The following PAK1 variants were observed in gnomAD, a reference collection of about 807,000 sequenced individuals.
PAK1 encodes the protein p21 (RAC1) activated kinase 1.
In PAK1, 29 loss-of-function variants were observed where a neutral mutation model predicts 67.4. The ratio of observed to expected loss-of-function variants is 0.43; its 90% CI spans 0.32 to 0.59. The LOEUF is 0.59. PAK1 is among the 20% of genes least tolerant of loss of function. The pLI, the probability that PAK1 is intolerant of heterozygous loss-of-function variation, is 0.07. For synonymous variants in PAK1, 223 were observed against 237.4 expected (o/e 0.94, Z 0.56); for missense variants, 337 against 670.7 (o/e 0.50, Z 5.50).
At chr11:77,370,379 C>T (rs1244450032) in intron 5 of PAK1, among the ~76,000 whole-genome samples, 1 of 152,182 alleles carries the variant, frequency 6.6e-6, no homozygotes, top group African/African-American at 2.4e-5. Context: ...AGTTTACTTT[C>T]TTCAGAAAAT....
chr11:77,378,752 T>TAATACAAATACAA (rs1949426500), intron 4 of PAK1, among the ~76,000 whole-genome samples: 1 of 152,132 alleles, frequency 6.6e-6, no homozygotes, highest in Non-Finnish European at 1.5e-5. Context: ...CACACCCGGC[T>TAATACAAATACAA]AATTTTTGTA....
intron 4 of PAK1, among the ~76,000 whole-genome samples, chr11:77,377,105 G>C (rs1949188325): frequency 1.3e-5 from 2 of 152,002 alleles, no homozygotes; most frequent in Non-Finnish European, 2.9e-5. Context: ...ATGGTGAACT[G>C]TCTCTATTAA....
the PAK1 span, among the ~76,000 whole-genome samples, chr11:77,483,645 T>C: frequency 6.6e-6 from 1 of 152,204 alleles, no homozygotes; most frequent in South Asian, 2.1e-4. Context: ...CTGCATAGAT[T>C]TATTAAAAAT....
At chr11:77,407,596 G>A (rs571054522) in intron 1 of PAK1, among the ~76,000 whole-genome samples, 32 of 152,178 alleles carry the variant, frequency 2.1e-4, no homozygotes, top group Admixed American at 9.2e-4. Flanking sequence ...GCATTTTCAC[G>A]CATTCATTAT....
chr11:77,493,097 G>T, the PAK1 span, among the ~76,000 whole-genome samples: 1 of 152,008 alleles, frequency 6.6e-6, no homozygotes, highest in Non-Finnish European at 1.5e-5. Flanking sequence ...TGAATAGCTG[G>T]GACTACAGGT....
At chr11:77,434,775 C>T (rs2466806) in intron 1 of PAK1, among the ~76,000 whole-genome samples, 2 of 152,182 alleles carry the variant, frequency 1.3e-5, no homozygotes, top group East Asian at 1.9e-4. Context: ...TGCACCACCA[C>T]GCCTGGCTAA....
chr11:77,482,512 C>T, the PAK1 span, among the ~76,000 whole-genome samples: 2 of 152,110 alleles, frequency 1.3e-5, no homozygotes, highest in Admixed American at 1.3e-4. Context: ...TACTTTAACA[C>T]TCACTGATCA....
chr11:77,344,938 T>C (rs1230695221), intron 9 of PAK1, among the ~76,000 whole-genome samples: 1 of 152,210 alleles, frequency 6.6e-6, no homozygotes. Flanking sequence ...GAACACTCCA[T>C]GTTCTCCCTG....
At chr11:77,428,974 G>T (rs2138287451) in intron 1 of PAK1, among the ~76,000 whole-genome samples, 1 of 145,702 alleles carries the variant, frequency 6.9e-6, no homozygotes, top group Admixed American at 7.1e-5. Flanking sequence ...ATGTCTATGA[G>T]AAGGCCTGGG....
At chr11:77,412,954 G>A (rs146077696) in intron 1 of PAK1, among the ~76,000 whole-genome samples, 265 of 152,210 alleles carry the variant, frequency 1.7e-3, no homozygotes, top group Non-Finnish European at 3.0e-3. Flanking sequence ...TTACCAACAC[G>A]GCCCAGACTA....
At chr11:77,335,943 T>G in intron 13 of PAK1, 143 bp downstream of exon 13, 1 of 485,058 alleles carries the variant, frequency 2.1e-6, no homozygotes, top group Non-Finnish European at 3.7e-6. Flanking sequence ...CTTTGGCCAT[T>G]TATACTTTAA....
the PAK1 span, among the ~76,000 whole-genome samples, chr11:77,528,970 A>C: frequency 6.6e-6 from 1 of 152,228 alleles, no homozygotes; most frequent in Non-Finnish European, 1.5e-5. Context: ...AAGGTGGTAC[A>C]GTAGGTTCAA....
At chr11:77,518,474 C>T in the PAK1 span, among the ~76,000 whole-genome samples, 1 of 152,214 alleles carries the variant, frequency 6.6e-6, no homozygotes, top group East Asian at 1.9e-4. Flanking sequence ...ACTTACAGGG[C>T]TAAAAATTAT....
the PAK1 span, among the ~76,000 whole-genome samples, chr11:77,503,985 AT>A: frequency 3.3e-5 from 5 of 152,176 alleles, no homozygotes; most frequent in East Asian, 9.6e-4. Context: ...TCTGCCTCCC[AT>A]GTTCAAGAAA....
At chr11:77,436,278 C>T (rs961164475) in intron 1 of PAK1, among the ~76,000 whole-genome samples, 3 of 152,180 alleles carry the variant, frequency 2.0e-5, no homozygotes, top group African/African-American at 7.2e-5. Context: ...GAGAAAAGAA[C>T]AGCTGTTTAA....
Position 77,340,864 on chromosome 11 carries a change from T to C in PAK1, c.999-101A>G. 4.0e-6 allele frequency: 3 copies of C among 744,184 alleles called. No individual in the cohort carries two copies. In the Admixed American group the frequency reaches 5.6e-5, roughly 14 times the overall value. 46.1% of individuals were successfully genotyped at this position (744,184 alleles called of 1,614,324 possible). A position where few individuals can be genotyped will look rare whatever the true frequency, so the allele number is the denominator to read the frequency against. ...AGCATATACACAGAGTGAAACTACG[T>C]CTTAGCACAAAGTAAAGTAAAAGGT... is the stretch of plus-strand genomic sequence containing the variant. On this transcript the variant is annotated intron_variant, in intron 10 of 14. Transcript: ENST00000356341.
At chr11:77,493,278 T>G in the PAK1 span, among the ~76,000 whole-genome samples, 2 of 147,288 alleles carry the variant, frequency 1.4e-5, no homozygotes, top group Non-Finnish European at 3.0e-5. Flanking sequence ...TTTTGTTGTT[T>G]TTTTTTTTTT....
chr11:77,405,390 G>C (rs558592441), intron 1 of PAK1, among the ~76,000 whole-genome samples: 1 of 152,196 alleles, frequency 6.6e-6, no homozygotes, highest in East Asian at 1.9e-4. Context: ...CAGGCTGCAG[G>C]GGAACAATGC....
rs1371150742 is a variant in PAK1, at chr11:77,350,181, A to G, written c.837-894T>C. ...TTCAATCATTTATTCCATCAACAGG[A>G]TATGTGAATTTTGTTTTCTGTAGTT... On this transcript the variant is annotated intron_variant, in intron 8 of 14. Coordinates refer to ENST00000356341, the MANE Select transcript of PAK1 (RefSeq NM_002576.5). 1.1e-4 allele frequency among the ~76,000 whole-genome samples: 17 copies of G among 152,294 alleles called. 1 individual carries two copies. In the South Asian group the frequency reaches 2.7e-3, roughly 24 times the overall value.
Sources: allele counts gnomAD v4.1 joint callset (sites outside exome capture counted in the v4.1 genomes callset), GRCh38; gene constraint gnomAD v4.1.1; transcripts MANE v1.5; gene names NCBI Gene and HGNC (gene_info 2026-07-23, HGNC 2026-07-21).